Variants in DOCK2 observed in about 807,000 individuals in gnomAD.
The protein encoded by DOCK2 is dedicator of cytokinesis 2.
A neutral mutation model predicts 248.9 loss-of-function variants in DOCK2; 87 were observed. The ratio of observed to expected loss-of-function variants is 0.35; its 90% confidence interval spans 0.29 to 0.42. The LOEUF (loss-of-function observed/expected upper bound fraction) is 0.42. Among genes scored for constraint, DOCK2 ranks in the 10% least tolerant of loss-of-function variants. The pLI is 1.00. For synonymous variants in DOCK2, 805 were observed against 821.6 expected (o/e 0.98, Z 0.35); for missense variants, 1,747 against 2,300.2 (o/e 0.76, Z 4.92).
intron 27 of DOCK2, among the ~76,000 whole-genome samples, chr5:169,886,032 G>A (rs1271260688): frequency 6.6e-6 from 1 of 152,106 alleles, no homozygotes; most frequent in Non-Finnish European, 1.5e-5. Flanking sequence ...GCCCTTTTGG[G>A]ATCTGCATGA....
Position 169,637,289 on chromosome 5 carries a change from G to A in DOCK2, c.-38G>A, listed in dbSNP as rs1561894335. On this transcript the variant is annotated 5_prime_UTR_variant, in exon 1 of 52. Transcript: ENST00000520908. Reference sequence around the variant, plus strand: ...CTGCGGCGCCCAGCCACCCCCTGACGGCTTCCCCACGGGAGGACGCGAGGC... The same window carrying A: ...CTGCGGCGCCCAGCCACCCCCTGACAGCTTCCCCACGGGAGGACGCGAGGC... The A allele has an allele frequency of 3.5e-6, 5 of 1,436,874 alleles. No individual in the cohort carries two copies. Among genetic ancestry groups the A allele is most frequent in the Non-Finnish European group, 4.5e-6 (5 of 1,099,048 alleles). The allele number at this position is 1,436,874 out of a possible 1,614,324, so 89.0% of individuals were successfully genotyped here.
chr5:169,976,294 T>G (rs1211957801), intron 27 of DOCK2, among the ~76,000 whole-genome samples: 3 of 152,186 alleles, frequency 2.0e-5, no homozygotes, highest in Non-Finnish European at 4.4e-5. Flanking sequence ...AGGCCTAAAT[T>G]TTAGGTCCTA....
At chr5:169,854,313 G>T (rs775768194) in intron 27 of DOCK2, among the ~76,000 whole-genome samples, 2 of 151,766 alleles carry the variant, frequency 1.3e-5, no homozygotes, top group African/African-American at 4.8e-5. Flanking sequence ...AGCCTCCTTA[G>T]TAAGTGGGAT....
At chr5:170,047,424 G>T in intron 39 of DOCK2, 86 bp from the exon 40 acceptor site, 1 of 1,186,158 alleles carries the variant, frequency 8.4e-7, no homozygotes, top group Non-Finnish European at 1.2e-6. Context: ...CTGGTATAAT[G>T]AAAATGTCTT....
chr5:169,781,319 A>G (rs1765705052), intron 25 of DOCK2, among the ~76,000 whole-genome samples: 1 of 152,194 alleles, frequency 6.6e-6, no homozygotes. Context: ...GAATGAAACG[A>G]TGTTATTCAA....
At chr5:170,002,289 G>A (rs1754863952) in intron 30 of DOCK2, among the ~76,000 whole-genome samples, 1 of 151,850 alleles carries the variant, frequency 6.6e-6, no homozygotes, top group Non-Finnish European at 1.5e-5. Context: ...AGGGAATTTG[G>A]TTAAAATTAA....
At chr5:169,784,039 C>T (rs1382668569) in intron 25 of DOCK2, among the ~76,000 whole-genome samples, 2 of 152,204 alleles carry the variant, frequency 1.3e-5, no homozygotes, top group East Asian at 3.8e-4. Flanking sequence ...GTGTCTTGCC[C>T]ACTGGCTTTC....
chr5:169,800,216 TTC>T (rs1766882966), intron 25 of DOCK2, among the ~76,000 whole-genome samples: 3 of 152,368 alleles, frequency 2.0e-5, no homozygotes, highest in South Asian at 2.1e-4. Flanking sequence ...ATCTATAATT[TTC>T]TGTTTCCATA....
intron 26 of DOCK2, among the ~76,000 whole-genome samples, chr5:169,840,045 T>C (rs770764851): frequency 5.3e-5 from 8 of 152,242 alleles, no homozygotes; most frequent in Non-Finnish European, 1.0e-4. Flanking sequence ...AAGAAATACC[T>C]GAGACTGGGT....
intron 26 of DOCK2, among the ~76,000 whole-genome samples, chr5:169,812,818 G>A (rs1221194156): frequency 6.6e-6 from 1 of 152,222 alleles, no homozygotes; most frequent in Non-Finnish European, 1.5e-5. Context: ...GGGTAAAGTG[G>A]CTTCCTGGGA....
chr5:169,658,313 T>A (rs1758235761), intron 2 of DOCK2, among the ~76,000 whole-genome samples: 1 of 151,906 alleles, frequency 6.6e-6, no homozygotes, highest in Admixed American at 6.6e-5. Flanking sequence ...ACCCCATCTC[T>A]ACTAAAAATA....
chr5:170,065,087 T>C (rs1164523424), intron 44 of DOCK2, among the ~76,000 whole-genome samples: 1 of 152,154 alleles, frequency 6.6e-6, no homozygotes, highest in Non-Finnish European at 1.5e-5. Flanking sequence ...AAATTATTTT[T>C]CATGTAAATT....
intron 27 of DOCK2, among the ~76,000 whole-genome samples, chr5:169,958,148 G>A (rs751829160): frequency 6.6e-6 from 1 of 152,068 alleles, no homozygotes; most frequent in Non-Finnish European, 1.5e-5. Flanking sequence ...CACAGTCTTT[G>A]TCAACTTGAT....
chr5:170,063,688 A>G (rs1757404454), intron 44 of DOCK2, among the ~76,000 whole-genome samples: 1 of 152,116 alleles, frequency 6.6e-6, no homozygotes, highest in Admixed American at 6.5e-5. Context: ...GCCACACTAG[A>G]GCTCCCACCC....
intron 26 of DOCK2, among the ~76,000 whole-genome samples, chr5:169,809,849 T>C (rs1767629574): frequency 6.6e-6 from 1 of 152,240 alleles, no homozygotes; most frequent in African/African-American, 2.4e-5. Context: ...CCTCTGCTCT[T>C]AGCCTAGCTA....
intron 38 of DOCK2, among the ~76,000 whole-genome samples, chr5:170,043,361 A>G (rs1333377171): frequency 2.0e-5 from 3 of 152,188 alleles, no homozygotes; most frequent in African/African-American, 7.2e-5. Context: ...AGTGCATAGT[A>G]ATAGCTGGTG....
intron 25 of DOCK2, among the ~76,000 whole-genome samples, chr5:169,793,714 G>T (rs991289410): frequency 2.6e-5 from 4 of 152,128 alleles, no homozygotes; most frequent in Non-Finnish European, 5.9e-5. Flanking sequence ...CCCAGGGCCT[G>T]ATGAGACCTG....
intron 27 of DOCK2, among the ~76,000 whole-genome samples, chr5:169,921,535 G>A (rs1775174624): frequency 6.6e-6 from 1 of 152,154 alleles, no homozygotes; most frequent in Admixed American, 6.5e-5. Context: ...GGAAAATGTT[G>A]CCTCTTTCCT....
chr5:170,039,401 G>A (rs1756437169), intron 36 of DOCK2, among the ~76,000 whole-genome samples: 1 of 152,152 alleles, frequency 6.6e-6, no homozygotes, highest in Non-Finnish European at 1.5e-5. Flanking sequence ...TTTGATTCAT[G>A]CCTGTCTCTT....
Sources: gnomAD v4.1 joint callset for allele counts (sites outside exome capture counted in the v4.1 genomes callset) on GRCh38, gnomAD v4.1.1 for gene constraint, MANE v1.5 for transcripts, NCBI Gene and HGNC (gene_info 2026-07-23, HGNC 2026-07-21) for gene names.